Variants in ARPP21 observed in about 807,000 individuals in gnomAD.
ARPP21 encodes the protein cAMP regulated phosphoprotein 21.
A neutral mutation model predicts 113.2 loss-of-function variants in ARPP21; 69 were observed. That is an observed-to-expected ratio of 0.61 (90% CI 0.50 to 0.74). The LOEUF (loss-of-function observed/expected upper bound fraction) is 0.74, where lower values mean the gene tolerates loss of function less well. Ranked by LOEUF, ARPP21 falls within the 30% of genes least tolerant of loss-of-function variation. The pLI is 0.00. For missense variants in ARPP21, 1,070 were observed against 1,037.4 expected (o/e 1.03, Z -0.43); for synonymous variants, 368 against 375.5 (o/e 0.98, Z 0.23).
At chr3:35,689,514 C>T (rs965126622) in intron 7 of ARPP21, 129 bp downstream of exon 7, 3 of 590,880 alleles carry the variant, frequency 5.1e-6, no homozygotes, top group Non-Finnish European at 9.1e-6. Context: ...CTTAAACTGT[C>T]TCCTGTATTT....
chr3:35,756,760 C>T (rs2095586114), intron 19 of ARPP21, among the ~76,000 whole-genome samples: 1 of 152,038 alleles, frequency 6.6e-6, no homozygotes, highest in Non-Finnish European at 1.5e-5. Flanking sequence ...CCTTTATAAG[C>T]CACTGTGTGT....
At position 35,690,072 on chromosome 3, in the gene ARPP21, A is replaced by AT; in HGVS notation, c.486-5dup. 1 of 1,244,916 alleles carries AT rather than the reference A, an allele frequency of 8.0e-7. No homozygotes were observed. The highest frequency in any genetic ancestry group is 1.2e-6 in the Non-Finnish European group (1 of 845,338). 77.1% of individuals were successfully genotyped at this position (1,244,916 alleles called of 1,614,324 possible). A position where few individuals can be genotyped will look rare whatever the true frequency, so the allele number is the denominator to read the frequency against. On this transcript the variant is annotated splice_polypyrimidine_tract_variant and intron_variant, in intron 7 of 20. Transcript: ENST00000684406. ...ATAAAACCTTTTAAATTTAACATTT[A>AT]TTTTGCAGGGACAGGATGATACTTT...
intron 19 of ARPP21, among the ~76,000 whole-genome samples, chr3:35,764,552 T>G (rs2095888950): frequency 6.6e-6 from 1 of 152,134 alleles, no homozygotes; most frequent in Non-Finnish European, 1.5e-5. Flanking sequence ...GAGATACTGA[T>G]TTATGACAGT....
chr3:35,667,984 G>C (rs1444600908), intron 1 of ARPP21, among the ~76,000 whole-genome samples: 7 of 145,876 alleles, frequency 4.8e-5, no homozygotes, highest in African/African-American at 1.8e-4. Context: ...AGAAGAAGAA[G>C]AAGAAGAAGA....
chr3:35,755,373 G>A (rs1253811342), intron 19 of ARPP21, among the ~76,000 whole-genome samples: 29 of 151,852 alleles, frequency 1.9e-4, no homozygotes, highest in Non-Finnish European at 1.5e-5. Flanking sequence ...ACTCTTGACT[G>A]TACACAAGTT....
At chr3:35,728,321 C>A (rs1200086100) in intron 14 of ARPP21, among the ~76,000 whole-genome samples, 1 of 147,494 alleles carries the variant, frequency 6.8e-6, no homozygotes, top group Non-Finnish European at 1.5e-5. Context: ...CAGGTTCAAG[C>A]GATTCTCCTG....
At chr3:35,770,733 C>G (rs2096171313) in intron 19 of ARPP21, among the ~76,000 whole-genome samples, 1 of 152,204 alleles carries the variant, frequency 6.6e-6, no homozygotes, top group African/African-American at 2.4e-5. Context: ...AAATTGTAAA[C>G]AGTAGCCTGC....
intron 1 of ARPP21, among the ~76,000 whole-genome samples, chr3:35,642,738 T>G (rs1698590303): frequency 1.3e-5 from 2 of 152,176 alleles, no homozygotes; most frequent in African/African-American, 4.8e-5. Flanking sequence ...ATAAAATAAC[T>G]AATATGCTTC....
intron 19 of ARPP21, among the ~76,000 whole-genome samples, chr3:35,751,055 G>A (rs757328837): frequency 1.4e-4 from 21 of 152,150 alleles, no homozygotes; most frequent in Admixed American, 2.0e-4. Context: ...TAATAGACCA[G>A]GAGGGTCTAT....
chr3:35,681,757 T>TGA lies in ARPP21; in HGVS notation c.8_9dup (p.Gln4SerfsTer5). ...TTTAATTTGCATCTGGGAGAATGTC[T>TGA]GAGCAAGGAGACCTGAATCAGGCAA... On this transcript the variant is annotated frameshift_variant, in exon 3 of 21. Transcript: ENST00000684406. LOFTEE classifies it high-confidence loss of function. The TGA allele has an allele frequency of 6.2e-7, 1 of 1,610,432 alleles. No homozygotes were observed.
intron 19 of ARPP21, among the ~76,000 whole-genome samples, chr3:35,752,154 A>T (rs1348554055): frequency 1.3e-5 from 2 of 152,056 alleles, no homozygotes; most frequent in Non-Finnish European, 2.9e-5. Flanking sequence ...CAAATAAAAG[A>T]TATAGGAAAG....
At chr3:35,704,531 A>G (rs1168928851) in intron 9 of ARPP21, among the ~76,000 whole-genome samples, 2 of 151,882 alleles carry the variant, frequency 1.3e-5, no homozygotes, top group Admixed American at 6.6e-5. Context: ...ACAAACAAAA[A>G]CATTTGTTTT....
At chr3:35,730,276 A>G (rs941881474) in intron 15 of ARPP21, among the ~76,000 whole-genome samples, 8 of 152,252 alleles carry the variant, frequency 5.3e-5, no homozygotes, top group African/African-American at 1.9e-4. Flanking sequence ...ACATCAGCCA[A>G]TGAACTCAGG....
chr3:35,698,164 C>T (rs572212602), intron 9 of ARPP21, among the ~76,000 whole-genome samples: 1 of 151,636 alleles, frequency 6.6e-6, no homozygotes, highest in Non-Finnish European at 1.5e-5. Flanking sequence ...TATACTCAGG[C>T]TCAAAATGAG....
chr3:35,751,497 C>T (rs1234304144), intron 19 of ARPP21, among the ~76,000 whole-genome samples: 2 of 152,026 alleles, frequency 1.3e-5, no homozygotes, highest in Admixed American at 1.3e-4. Context: ...ATCTGCCTTG[C>T]AGTAGTAGAA....
At chr3:35,715,300 T>G in intron 11 of ARPP21, 139 bp from the exon 12 acceptor site, 1 of 683,396 alleles carries the variant, frequency 1.5e-6, no homozygotes. Context: ...TTTTTCCTTT[T>G]TTATTTCTAT....
At chr3:35,776,925 A>G (rs968148955) in intron 19 of ARPP21, among the ~76,000 whole-genome samples, 11 of 152,070 alleles carry the variant, frequency 7.2e-5, no homozygotes, top group African/African-American at 2.7e-4. Flanking sequence ...AGTTTTGCCT[A>G]CCATCATTTT....
chr3:35,788,371 T>C (rs1351011554), intron 19 of ARPP21, among the ~76,000 whole-genome samples: 1 of 152,224 alleles, frequency 6.6e-6, no homozygotes, highest in African/African-American at 2.4e-5. Context: ...GAAGTAATTT[T>C]TATATGAAGC....
At chr3:35,743,554 A>T (rs1459009431) in intron 18 of ARPP21, among the ~76,000 whole-genome samples, 5 of 143,350 alleles carry the variant, frequency 3.5e-5, no homozygotes, top group African/African-American at 1.2e-4. Flanking sequence ...ACAGACGTGG[A>T]AGCTGCAAGT....
Sources: gnomAD v4.1 joint callset for allele counts (sites outside exome capture counted in the v4.1 genomes callset) on GRCh38, gnomAD v4.1.1 for gene constraint, MANE v1.5 for transcripts, NCBI Gene and HGNC (gene_info 2026-07-23, HGNC 2026-07-21) for gene names.